ENOX1: variants seen among roughly 807,000 people sequenced by gnomAD.
ENOX1 encodes ecto-NOX disulfide-thiol exchanger 1.
ENOX1 carries 42 observed loss-of-function variants against 82.5 expected under a neutral mutation model. The ratio of observed to expected loss-of-function variants is 0.51; its 90% CI spans 0.40 to 0.66. The LOEUF is 0.66. Ranked by LOEUF, ENOX1 falls within the 30% of genes least tolerant of loss-of-function variation. The probability of loss-of-function intolerance (pLI) is 0.00; values close to 1 mark genes in which losing one functional copy is unlikely to be tolerated. For synonymous variants in ENOX1, 271 were observed against 282.2 expected, an observed-to-expected ratio of 0.96 and a Z score of 0.40; for missense variants, 608 against 811.6, an observed-to-expected ratio of 0.75 and a Z score of 3.05.
At chr13:43,328,138 G>A (rs1215855775) in intron 9 of ENOX1, among the ~76,000 whole-genome samples, 2 of 152,196 alleles carry the variant, frequency 1.3e-5, no homozygotes, top group African/African-American at 4.8e-5. Flanking sequence ...AACACCTGGG[G>A]CTGCTCTAAG....
intron 3 of ENOX1, among the ~76,000 whole-genome samples, chr13:43,482,850 T>A (rs1338966253): frequency 6.6e-6 from 1 of 152,142 alleles, no homozygotes; most frequent in Non-Finnish European, 1.5e-5. Flanking sequence ...CACACTGTGA[T>A]ATCCTACTGA....
Position 43,707,462 on chromosome 13 carries a change from G to A in ENOX1, c.-284-39918C>T, listed in dbSNP as rs565866137. 3.2e-4 allele frequency among the ~76,000 whole-genome samples: 48 copies of A among 152,194 alleles called. 3 individuals carry two copies. The highest frequency in any genetic ancestry group is 1.0e-3 in the African/African-American group (42 of 41,540). ...TAAAACAATAAGAACAGGGTGGGGC[G>A]CAGTGGCTCACGCCTGTAATCCCAG... On this transcript the variant is annotated intron_variant, in intron 1 of 16. Transcript: ENST00000690772.
chr13:43,384,896 G>A lies in ENOX1; in HGVS notation c.209-23444C>T, dbSNP rs569258149. Among the ~76,000 whole-genome samples the A allele has an allele frequency of 2.6e-5, 4 of 152,270 alleles. No individual in the cohort carries two copies. In the East Asian group the frequency reaches 7.7e-4, roughly 29 times the overall value. ...AATATACTTGAAAGGATGATCAGTTGTTTCCTGGTTTTTTCCTTGGCCCCT... is the reference window on the plus strand; with the variant it reads ...AATATACTTGAAAGGATGATCAGTTATTTCCTGGTTTTTTCCTTGGCCCCT... On this transcript the variant is annotated intron_variant, in intron 5 of 16. Coordinates refer to ENST00000690772, the MANE Select transcript of ENOX1 (RefSeq NM_001347969.2).
chr13:43,572,082 T>C (rs760528831), intron 2 of ENOX1, among the ~76,000 whole-genome samples: 1 of 152,104 alleles, frequency 6.6e-6, no homozygotes, highest in African/African-American at 2.4e-5. Context: ...GGTTGCTATA[T>C]ATAAACAAAA....
At chr13:43,589,422 T>A (rs553554951) in intron 2 of ENOX1, among the ~76,000 whole-genome samples, 1 of 151,902 alleles carries the variant, frequency 6.6e-6, no homozygotes, top group African/African-American at 2.4e-5. Flanking sequence ...AAAATAATTG[T>A]CTCCCCTCAG....
At chr13:43,754,590 GT>G (rs148856299) in intron 1 of ENOX1, among the ~76,000 whole-genome samples, 17,881 of 142,720 alleles carry the variant, frequency 0.13, 1,292 homozygotes, top group Non-Finnish European at 0.17. Flanking sequence ...TTAGCAGCTT[GT>G]TTTTTTTTTT....
intron 8 of ENOX1, among the ~76,000 whole-genome samples, chr13:43,351,647 A>G (rs2049811500): frequency 1.4e-5 from 2 of 139,916 alleles, no homozygotes; most frequent in African/African-American, 5.3e-5. Flanking sequence ...TCATTGTTCA[A>G]TTCCCACCTA....
At chr13:43,239,951 G>A (rs1593478862) in intron 14 of ENOX1, among the ~76,000 whole-genome samples, 1 of 152,114 alleles carries the variant, frequency 6.6e-6, no homozygotes, top group South Asian at 2.1e-4. Context: ...ACAAGATAAG[G>A]ACAATTATCG....
chr13:43,279,611 A>G (rs764506829), intron 12 of ENOX1, among the ~76,000 whole-genome samples: 27 of 152,244 alleles, frequency 1.8e-4, no homozygotes, highest in Non-Finnish European at 2.9e-4. Context: ...TTAAATAAAT[A>G]TAAGAATACT....
chr13:43,354,572 C>T (rs1410509759), intron 8 of ENOX1, among the ~76,000 whole-genome samples: 1 of 151,772 alleles, frequency 6.6e-6, no homozygotes, highest in East Asian at 1.9e-4. Flanking sequence ...ACATCCAATC[C>T]ACTTTATACA....
chr13:43,679,337 C>A (rs993404582), intron 1 of ENOX1, among the ~76,000 whole-genome samples: 3 of 152,108 alleles, frequency 2.0e-5, no homozygotes, highest in Admixed American at 2.0e-4. Context: ...AAGTCCCTGT[C>A]ATCTTTGAGG....
intron 2 of ENOX1, among the ~76,000 whole-genome samples, chr13:43,564,517 T>C (rs1171605088): frequency 9.2e-5 from 14 of 152,064 alleles, no homozygotes; most frequent in Admixed American, 8.5e-4. Flanking sequence ...AAGTATTGTG[T>C]GTATTCTAAA....
chr13:43,427,697 A>C (rs2055405687), intron 3 of ENOX1, among the ~76,000 whole-genome samples: 1 of 152,218 alleles, frequency 6.6e-6, no homozygotes, highest in South Asian at 2.1e-4. Flanking sequence ...GTCTTCAAAA[A>C]GTTTGCAATA....
At chr13:43,272,544 T>G (rs1461899306) in intron 12 of ENOX1, among the ~76,000 whole-genome samples, 1 of 152,230 alleles carries the variant, frequency 6.6e-6, no homozygotes, top group Non-Finnish European at 1.5e-5. Flanking sequence ...TCTTCATCTT[T>G]GAAAAATTTT....
At position 43,354,287 on chromosome 13, in the gene ENOX1, T is replaced by C. The variant is rs149236819; in HGVS notation, c.823+1632A>G. Among the ~76,000 whole-genome samples, 32 of 152,318 alleles carry C rather than the reference T, an allele frequency of 2.1e-4. No individual in the cohort carries two copies. The East Asian group carries it at 5.8e-3, about 28-fold the overall frequency. ...ATGCCCTTTATTAAAGGCACAGCCA[T>C]GGCCTATGTATTTACATCAGTAAGA... On this transcript the variant is annotated intron_variant, in intron 8 of 16. Transcript: ENST00000690772.
At chr13:43,287,591 C>T (rs924668915) in intron 12 of ENOX1, among the ~76,000 whole-genome samples, 4 of 152,184 alleles carry the variant, frequency 2.6e-5, no homozygotes, top group African/African-American at 4.8e-5. Flanking sequence ...GTTTTCATTT[C>T]ATTATTCATG....
intron 9 of ENOX1, among the ~76,000 whole-genome samples, chr13:43,343,677 T>C (rs958308552): frequency 6.6e-6 from 1 of 152,186 alleles, no homozygotes; most frequent in African/African-American, 2.4e-5. Context: ...ATAGTACTTA[T>C]CTTCAGAATG....
intron 1 of ENOX1, among the ~76,000 whole-genome samples, chr13:43,729,092 A>T (rs942721005): frequency 5.9e-5 from 9 of 152,198 alleles, no homozygotes; most frequent in Admixed American, 4.6e-4. Context: ...GGCCCAAAAA[A>T]GTTATCTGCT....
rs183079028 is a variant in ENOX1, at chr13:43,544,858, A to G, written c.-218-60706T>C. 2.0e-5 allele frequency: 3 copies of G among 152,262 alleles called. 1 individual carries two copies. The highest frequency in any genetic ancestry group is 7.2e-5 in the African/African-American group (3 of 41,552). The allele number at this position is 152,262 out of a possible 1,614,324, so 9.4% of individuals were successfully genotyped here. A position where few individuals can be genotyped will look rare whatever the true frequency, so the allele number is the denominator to read the frequency against. ...GACAAGCAGAACATTTAGGCTGAAG[A>G]GGGAGTGATATTTTTGCTTATCTTT... On this transcript the variant is annotated intron_variant, in intron 2 of 16. Coordinates refer to ENST00000690772, the MANE Select transcript of ENOX1 (RefSeq NM_001347969.2).
Sources: allele counts gnomAD v4.1 joint callset (sites outside exome capture counted in the v4.1 genomes callset), GRCh38; gene constraint gnomAD v4.1.1; transcripts MANE v1.5; gene names NCBI Gene and HGNC (gene_info 2026-07-23, HGNC 2026-07-21).